The following BPIFA2 variants were observed in gnomAD, a reference collection of about 807,000 sequenced individuals.
BPIFA2 encodes BPI fold containing family A member 2.
BPIFA2 carries 20 observed loss-of-function variants against 25.7 expected under a neutral mutation model. That is an observed-to-expected ratio of 0.78 (90% CI 0.55 to 1.13). The LOEUF (loss-of-function observed/expected upper bound fraction) is 1.13. Ranked by LOEUF, BPIFA2 falls within the 50% of genes most tolerant of loss-of-function variation. BPIFA2 has a pLI of 0.00. For synonymous variants in BPIFA2, 126 were observed against 124.3 expected (o/e 1.01, Z -0.09); for missense variants, 300 against 298.1 (o/e 1.01, Z -0.05).
intron 6 of BPIFA2, among the ~76,000 whole-genome samples, chr20:33,179,233 C>T (rs1984187945): frequency 6.6e-6 from 1 of 151,920 alleles, no homozygotes; most frequent in Non-Finnish European, 1.5e-5. Flanking sequence ...AGTTCAAGAC[C>T]AGCCTGGCTA....
intron 6 of BPIFA2, among the ~76,000 whole-genome samples, 162 bp downstream of exon 6, chr20:33,178,390 T>TA (rs1180027282): frequency 6.6e-6 from 1 of 152,098 alleles, no homozygotes; most frequent in East Asian, 1.9e-4. Context: ...GCCTGGTGGG[T>TA]AGCAGGGTAG....
In BPIFA2 at chr20:33,173,069, A is replaced by G. The variant is rs376072553; in HGVS notation, c.295A>G (p.Ile99Val). ...TAAGCTGCTTCCAACTAACACGGAC[A>G]TTTTTGGGTGAGTTGGTCCTTCAGG... ...ISKLLPTNTD[I>V]FGLKISNSLI... The change falls in exon 3 of 9, where the codon ATT becomes GTT. Residue 99 changes from isoleucine (I) to valine (V), a missense_variant. Ile to Val is a conservative substitution (Grantham distance 29, BLOSUM62 3). Transcript: ENST00000354932. 9.3e-6 allele frequency: 15 copies of G among 1,613,678 alleles called. No homozygotes were observed. The African/African-American group carries it at 1.7e-4, about 19-fold the overall frequency.
At chr20:33,171,140 G>A (rs980723803) in intron 2 of BPIFA2, among the ~76,000 whole-genome samples, 3 of 152,154 alleles carry the variant, frequency 2.0e-5, no homozygotes, top group Non-Finnish European at 4.4e-5. Flanking sequence ...CTGTATCCTT[G>A]TAGTATAGTT....
At chr20:33,178,076 C>A in intron 5 of BPIFA2, 71 bp from the exon 6 acceptor site, 2 of 1,204,912 alleles carry the variant, frequency 1.7e-6, no homozygotes, top group Non-Finnish European at 2.4e-6. Context: ...CCGCACCGCC[C>A]CCAACTTTTT....
rs1984276862 is a variant in BPIFA2, at chr20:33,181,363, A to C, written c.*177A>C. 1 of 152,442 alleles carries C rather than the reference A, an allele frequency of 6.6e-6. No homozygotes were observed. The highest frequency in any genetic ancestry group is 2.4e-5 in the African/African-American group (1 of 41,460). 9.4% of individuals were successfully genotyped at this position (152,442 alleles called of 1,614,324 possible). A position where few individuals can be genotyped will look rare whatever the true frequency, so the allele number is the denominator to read the frequency against. ...CCCTTCTCCTCACAGTCAGAACAGC[A>C]GCCTCTACACATGTTGTCCTGCCCC... On this transcript the variant is annotated 3_prime_UTR_variant, in exon 9 of 9. Coordinates refer to ENST00000354932, the MANE Select transcript of BPIFA2 (RefSeq NM_080574.4).
chr20:33,173,179 C>T, intron 3 of BPIFA2, 103 bp downstream of exon 3: 7 of 1,394,968 alleles, frequency 5.0e-6, no homozygotes, highest in Non-Finnish European at 6.9e-6. Context: ...AAGCCTCATT[C>T]CCCTCCCACA....
intron 7 of BPIFA2, among the ~76,000 whole-genome samples, chr20:33,180,194 G>A (rs904394074): frequency 1.3e-5 from 2 of 151,900 alleles, no homozygotes; most frequent in African/African-American, 4.8e-5. Context: ...CTCCGGCCTG[G>A]GTGACAGAGT....
chr20:33,177,253 G>A (rs1045746926), intron 5 of BPIFA2, among the ~76,000 whole-genome samples: 5 of 151,918 alleles, frequency 3.3e-5, no homozygotes, highest in Non-Finnish European at 5.9e-5. Context: ...TACTCGGGAC[G>A]CTGAGGCACA....
rs537603215 is a variant in BPIFA2 at position 33,179,818 on chromosome 20, C to T, written c.709+151C>T. ...CCATGGCTTCCCCTCCACAGGCACC[C>T]GGGGGCTCCCTTTGGCTTTTGGGTC... On this transcript the variant is annotated intron_variant, in intron 7 of 8. Transcript: ENST00000354932. 110 of 771,552 alleles carry T rather than the reference C, an allele frequency of 1.4e-4. 1 individual carries two copies. In the Middle Eastern group the frequency reaches 3.4e-3, roughly 24 times the overall value. The allele number at this position is 771,552 out of a possible 1,614,324, so 47.8% of individuals were successfully genotyped here.
rs372285288 is a variant in BPIFA2, at chr20:33,175,459, G to T, written c.463G>T (p.Ala155Ser). 18 of 1,613,840 alleles carry T rather than the reference G, an allele frequency of 1.1e-5. No homozygotes were observed. Among genetic ancestry groups the T allele is most frequent in the Non-Finnish European group, 1.5e-5 (18 of 1,179,826 alleles). Reference sequence around the variant, plus strand: ...GAAAGCCTCCTTGGACCTCCTGACCGCAGTCACAATTGAAACTGATCCCCA... The same window carrying T: ...GAAAGCCTCCTTGGACCTCCTGACCTCAGTCACAATTGAAACTGATCCCCA... ...NLKASLDLLT[A>S]VTIETDPQTH... The change falls in exon 5 of 9, where the codon GCA (alanine) becomes TCA (serine). Residue 155 changes from alanine to serine, a missense_variant. Ala to Ser is a moderately conservative substitution (Grantham distance 99). Coordinates refer to ENST00000354932, the MANE Select transcript of BPIFA2 (RefSeq NM_080574.4).
upstream of BPIFA2, among the ~76,000 whole-genome samples, chr20:33,164,439 G>A (rs189004822): frequency 4.6e-5 from 7 of 152,114 alleles, no homozygotes; most frequent in Admixed American, 6.5e-5. Flanking sequence ...CTGGGACCTC[G>A]GAGATGCTGT....
rs1204913933 is a variant in BPIFA2 at position 33,180,601 on chromosome 20, AG to A, written c.*37+6del. 1 of 1,588,210 alleles carries A rather than the reference AG, an allele frequency of 6.3e-7. No individual in the cohort carries two copies. The highest frequency in any genetic ancestry group is 8.6e-7 in the Non-Finnish European group (1 of 1,156,576). ...AGGACCACTGTGGTGCATGCTGGTGAGGAGCCAGTCTCTGTGCCCCAATGCA... is the reference window on the plus strand; with the variant it reads ...AGGACCACTGTGGTGCATGCTGGTGAGAGCCAGTCTCTGTGCCCCAATGCA... On this transcript the variant is annotated splice_donor_5th_base_variant and intron_variant, in intron 8 of 8. Transcript: ENST00000354932.
upstream of BPIFA2, among the ~76,000 whole-genome samples, chr20:33,164,353 C>T (rs1568605381): frequency 6.6e-6 from 1 of 152,146 alleles, no homozygotes; most frequent in Non-Finnish European, 1.5e-5. Flanking sequence ...AGAGCTCGCT[C>T]ATGTCAAGAG....
At chr20:33,179,760 C>T in intron 7 of BPIFA2, 93 bp downstream of exon 7, 1 of 1,274,332 alleles carries the variant, frequency 7.8e-7, no homozygotes, top group Non-Finnish European at 1.1e-6. Flanking sequence ...CCTGGAGAAG[C>T]AGAAGGACCC....
chr20:33,175,636 C>T lies in BPIFA2; in HGVS notation c.563+77C>T, dbSNP rs563594764. On this transcript the variant is annotated intron_variant, in intron 5 of 8. Coordinates refer to ENST00000354932, the MANE Select transcript of BPIFA2 (RefSeq NM_080574.4). ...CCTAATTTCAGCTCTAGTCCTCTAC[C>T]TAAGAGGAGGCCTAGTGGTGAAAGT... 3.3e-4 allele frequency: 475 copies of T among 1,440,460 alleles called. 3 individuals carry two copies. The African/African-American group carries it at 6.3e-3, about 19-fold the overall frequency. The allele number at this position is 1,440,460 out of a possible 1,614,324, so 89.2% of individuals were successfully genotyped here.
intron 2 of BPIFA2, 44 bp from the exon 3 acceptor site, chr20:33,172,888 T>A: frequency 1.3e-6 from 2 of 1,598,042 alleles, no homozygotes; most frequent in Non-Finnish European, 1.7e-6. Flanking sequence ...TCGTAGCTAC[T>A]TCGTAAGTGG....
upstream of BPIFA2, among the ~76,000 whole-genome samples, chr20:33,165,046 C>T (rs148519403): frequency 7.5e-3 from 1,147 of 152,282 alleles, 13 homozygotes; most frequent in African/African-American, 0.026. Flanking sequence ...AATACTTGAG[C>T]GCTGAAAGAA....
intron 1 of BPIFA2, among the ~76,000 whole-genome samples, chr20:33,162,317 G>T (rs1983605784): frequency 6.6e-6 from 1 of 152,044 alleles, no homozygotes; most frequent in Non-Finnish European, 1.5e-5. Flanking sequence ...TGATTGAGTG[G>T]CCACCACACG....
In BPIFA2 at chr20:33,179,749, C is replaced by T; in HGVS notation, c.709+82C>T. 3 of 1,393,446 alleles carry T rather than the reference C, an allele frequency of 2.2e-6. No individual in the cohort carries two copies. The South Asian group carries it at 3.5e-5, about 16-fold the overall frequency. The allele number at this position is 1,393,446 out of a possible 1,614,324, so 86.3% of individuals were successfully genotyped here. On this transcript the variant is annotated intron_variant, in intron 7 of 8. Coordinates refer to ENST00000354932, the MANE Select transcript of BPIFA2 (RefSeq NM_080574.4). ...CCCATAAGCAGTTCTGGTCAGGGGA[C>T]CCTGGAGAAGCAGAAGGACCCACTG... is the stretch of plus-strand genomic sequence containing the variant.
Sources: gnomAD v4.1 joint callset for allele counts (sites outside exome capture counted in the v4.1 genomes callset) on GRCh38, gnomAD v4.1.1 for gene constraint, MANE v1.5 for transcripts, NCBI Gene and HGNC (gene_info 2026-07-23, HGNC 2026-07-21) for gene names.